The following NRG1 variants were observed in gnomAD, a reference collection of about 807,000 sequenced individuals.
NRG1 encodes the protein pro-neuregulin-1, membrane-bound isoform.
A neutral mutation model predicts 63.8 loss-of-function variants in NRG1; 18 were observed. That is an observed-to-expected ratio of 0.28 (90% CI 0.19 to 0.42). The LOEUF is 0.42. Ranked by LOEUF, NRG1 falls within the 10% of genes least tolerant of loss-of-function variation. The pLI is 1.00. For missense variants in NRG1, 762 were observed against 814.7 expected, an observed-to-expected ratio of 0.94 and a Z score of 0.79; for synonymous variants, 302 against 301.3, an observed-to-expected ratio of 1.00 and a Z score of -0.02.
chr8:32,462,250 C>A (rs554257629), intron 1 of NRG1, among the ~76,000 whole-genome samples: 5 of 152,260 alleles, frequency 3.3e-5, no homozygotes, highest in African/African-American at 1.2e-4. Flanking sequence ...TGGGGAGTGG[C>A]AACCTCTGAT....
At chr8:32,663,547 C>A (rs1242014279) in intron 5 of NRG1, among the ~76,000 whole-genome samples, 1 of 152,080 alleles carries the variant, frequency 6.6e-6, no homozygotes, top group African/African-American at 2.4e-5. Context: ...AAATACACAG[C>A]AAAAGTAGTG....
chr8:31,853,448 TG>T (rs1251374480), intron 1 of NRG1, among the ~76,000 whole-genome samples: 41 of 150,336 alleles, frequency 2.7e-4, no homozygotes, highest in African/African-American at 9.8e-4. Context: ...TTGTGATTTT[TG>T]TACATTGATT....
At chr8:32,543,571 G>C (rs1230623001), upstream of NRG1, among the ~76,000 whole-genome samples, 2 of 152,034 alleles carry the variant, frequency 1.3e-5, no homozygotes, top group Admixed American at 1.3e-4. Flanking sequence ...TTCAGCAATA[G>C]TATTTAGCAG....
At chr8:32,473,796 G>C (rs1824140652) in intron 1 of NRG1, among the ~76,000 whole-genome samples, 1 of 152,108 alleles carries the variant, frequency 6.6e-6, no homozygotes, top group African/African-American at 2.4e-5. Context: ...TGATCTTCCT[G>C]CTTCAACCTG....
rs181534950 is a variant in NRG1 at position 32,215,544 on chromosome 8, T to C, written c.38-380284T>C. Among the ~76,000 whole-genome samples, 1,101 of 152,306 alleles carry C rather than the reference T, an allele frequency of 7.2e-3. 56 individuals carry two copies. The highest frequency in any genetic ancestry group is 0.065 in the Admixed American group (987 of 15,290). ...ACTTATGAGGAAACTACTGAGAGTG[T>C]ATGCATGAGGAAATGCCTCAGAGAG... On this transcript the variant is annotated intron_variant, in intron 1 of 10. Coordinates refer to the NRG1 transcript ENST00000519301.
At chr8:32,371,854 T>C (rs1808905474) in intron 1 of NRG1, among the ~76,000 whole-genome samples, 1 of 152,146 alleles carries the variant, frequency 6.6e-6, no homozygotes, top group South Asian at 2.1e-4. Flanking sequence ...AGTCTTCCCA[T>C]TTTTAGAAAA....
intron 1 of NRG1, among the ~76,000 whole-genome samples, chr8:31,777,279 G>C (rs1468458556): frequency 1.3e-5 from 2 of 152,216 alleles, no homozygotes; most frequent in Admixed American, 1.3e-4. Flanking sequence ...TGAGGTGCCA[G>C]GTAGTCTGCC....
At chr8:32,374,315 C>A (rs1172079046) in intron 1 of NRG1, among the ~76,000 whole-genome samples, 1 of 152,160 alleles carries the variant, frequency 6.6e-6, no homozygotes, top group Admixed American at 6.5e-5. Context: ...TCACTCAGCT[C>A]GCTTTCAACT....
Position 32,627,792 on chromosome 8 carries a change from G to T in NRG1, c.502+10907G>T, listed in dbSNP as rs146046586. On this transcript the variant is annotated intron_variant, in intron 5 of 11. Coordinates refer to ENST00000356819, the Ensembl canonical transcript of NRG1. ...GTTAAAATTATAAAACAAAAATTTT[G>T]CCTGTATGATCATTCCTCCCTCAAT... Among the ~76,000 whole-genome samples the T allele has an allele frequency of 3.3e-4, 50 of 152,194 alleles. No homozygotes were observed. The East Asian group carries it at 7.2e-3, about 22-fold the overall frequency.
intron 1 of NRG1, among the ~76,000 whole-genome samples, chr8:31,808,540 T>C (rs1156348172): frequency 6.6e-6 from 1 of 152,080 alleles, no homozygotes; most frequent in Non-Finnish European, 1.5e-5. Context: ...CTTCCTTCTT[T>C]ATTATTAATT....
At chr8:32,553,332 G>C (rs527505229) in intron 1 of NRG1, among the ~76,000 whole-genome samples, 11 of 152,214 alleles carry the variant, frequency 7.2e-5, no homozygotes, top group African/African-American at 2.6e-4. Context: ...TGAATTATCT[G>C]TGTCTTTGCA....
intron 1 of NRG1, among the ~76,000 whole-genome samples, chr8:31,803,768 G>T (rs992443603): frequency 6.6e-6 from 1 of 152,162 alleles, no homozygotes; most frequent in Non-Finnish European, 1.5e-5. Flanking sequence ...ATGGCCTAAA[G>T]GGTCTACTTG....
Position 32,409,994 on chromosome 8 carries a change from A to G in NRG1, c.38-185834A>G, listed in dbSNP as rs73675179. On this transcript the variant is annotated intron_variant, in intron 1 of 10. Transcript: ENST00000519301. The stretch of plus-strand genomic sequence containing the variant: ...GCATTCTGCTTAAGCCATCCCCTCC[A>G]AACCCTGCCTCTAAGGAGCTTTGGC... Among the ~76,000 whole-genome samples the G allele has an allele frequency of 6.0e-3, 918 of 152,054 alleles. 12 individuals are homozygous for G. Among genetic ancestry groups the G allele is most frequent in the African/African-American group, 0.021 (881 of 41,498 alleles).
intron 1 of NRG1, among the ~76,000 whole-genome samples, chr8:31,960,910 C>T (rs1486968004): frequency 6.6e-6 from 1 of 152,192 alleles, no homozygotes; most frequent in Non-Finnish European, 1.5e-5. Flanking sequence ...ATTTGTTGTA[C>T]TTCTATTTCT....
At position 32,426,251 on chromosome 8, in the gene NRG1, A is replaced by G. The variant is rs1011094831; in HGVS notation, c.38-169577A>G. 8.5e-5 allele frequency among the ~76,000 whole-genome samples: 13 copies of G among 152,282 alleles called. No homozygotes were observed. In the East Asian group the frequency reaches 2.3e-3, roughly 27 times the overall value. The stretch of plus-strand genomic sequence containing the variant: ...AGTGAAGAGCAGGGAGAGAAGATTC[A>G]TCAATGGCCGTAGGTTGCTGTGAAC... On this transcript the variant is annotated intron_variant, in intron 1 of 10. Coordinates refer to the NRG1 transcript ENST00000519301.
In NRG1 at chr8:32,733,978, A is replaced by G. The variant is rs538217631; in HGVS notation, c.632+5900A>G. On this transcript the variant is annotated intron_variant, in intron 6 of 11. Coordinates refer to ENST00000356819, the Ensembl canonical transcript of NRG1. ...GAAGTAAAACAAACAAATGAACAAA[A>G]TAAAAGAACTAAGTTAAACAGTGGA... 3.3e-4 allele frequency among the ~76,000 whole-genome samples: 50 copies of G among 152,352 alleles called. No individual in the cohort carries two copies. In the South Asian group the frequency reaches 6.6e-3, roughly 20 times the overall value.
At chr8:32,228,648 C>T (rs757174474) in intron 1 of NRG1, among the ~76,000 whole-genome samples, 15 of 152,096 alleles carry the variant, frequency 9.9e-5, no homozygotes, top group Non-Finnish European at 1.8e-4. Context: ...TTAGCAACTG[C>T]TTATCAATGA....
At chr8:32,369,349 T>G (rs2129482596) in intron 1 of NRG1, among the ~76,000 whole-genome samples, 1 of 152,370 alleles carries the variant, frequency 6.6e-6, no homozygotes, top group African/African-American at 2.4e-5. Flanking sequence ...AAATCTCATC[T>G]TTTTTGCCAT....
chr8:31,658,682 C>G (rs560497060), intron 1 of NRG1, among the ~76,000 whole-genome samples: 1 of 152,088 alleles, frequency 6.6e-6, no homozygotes, highest in South Asian at 2.1e-4. Context: ...AGGCTGGTCT[C>G]GAATTCCTAA....
Sources: gnomAD v4.1 joint callset for allele counts (sites outside exome capture counted in the v4.1 genomes callset) on GRCh38, gnomAD v4.1.1 for gene constraint, MANE v1.5 for transcripts, NCBI Gene and HGNC (gene_info 2026-07-23, HGNC 2026-07-21) for gene names.